OSBPL10: variants seen among roughly 807,000 people sequenced by gnomAD.
OSBPL10 encodes oxysterol binding protein like 10, also known as oxysterol-binding protein-related protein 10.
Under a neutral mutation model 81.7 loss-of-function variants are expected in OSBPL10, and 49 were observed. The observed-to-expected ratio is 0.60, with a 90% CI of 0.48 to 0.76. The LOEUF is 0.76. Among genes scored for constraint, OSBPL10 ranks in the 30% least tolerant of loss-of-function variants. The pLI is 0.00. For synonymous variants in OSBPL10, 419 were observed against 383.6 expected, an observed-to-expected ratio of 1.09 and a Z score of -1.08; for missense variants, 923 against 987.8, an observed-to-expected ratio of 0.93 and a Z score of 0.88.
At chr3:31,732,276 C>T (rs1053097168) in intron 6 of OSBPL10, among the ~76,000 whole-genome samples, 2 of 151,356 alleles carry the variant, frequency 1.3e-5, no homozygotes, top group Non-Finnish European at 2.9e-5. Context: ...TGTAGGCAGG[C>T]TAATCTGACT....
intron 3 of OSBPL10, among the ~76,000 whole-genome samples, chr3:31,838,665 A>G (rs1700421522): frequency 6.6e-6 from 1 of 152,046 alleles, no homozygotes; most frequent in Non-Finnish European, 1.5e-5. Flanking sequence ...ACTGAGGTCC[A>G]AAAAAGTCAC....
At chr3:31,809,996 C>T (rs1467559834) in intron 4 of OSBPL10, among the ~76,000 whole-genome samples, 1 of 151,146 alleles carries the variant, frequency 6.6e-6, no homozygotes, top group Non-Finnish European at 1.5e-5. Context: ...CTCAGTCTCC[C>T]GAGTAGCTGG....
chr3:31,987,424 A>G (rs534101231), intron 2 of OSBPL10, among the ~76,000 whole-genome samples: 1 of 152,310 alleles, frequency 6.6e-6, no homozygotes, highest in East Asian at 1.9e-4. Flanking sequence ...AACCTTTTAC[A>G]TTAGTTTAAT....
At chr3:31,847,986 A>G (rs1305697950) in intron 3 of OSBPL10, among the ~76,000 whole-genome samples, 6 of 152,088 alleles carry the variant, frequency 3.9e-5, no homozygotes, top group Non-Finnish European at 8.8e-5. Flanking sequence ...GAAGCACGCC[A>G]GCCCCTCCTG....
Position 31,820,730 on chromosome 3 carries a change from T to G in OSBPL10, c.729+9310A>C, listed in dbSNP as rs139565159. On this transcript the variant is annotated intron_variant, in intron 4 of 11. Coordinates refer to ENST00000396556, the MANE Select transcript of OSBPL10 (RefSeq NM_017784.5). Reference sequence around the variant, plus strand: ...GTGAGAAGCCGCTGTAAGTGTACAATGCAGTTGGCCCAAGTTCCCCCTTGC... The same window carrying G: ...GTGAGAAGCCGCTGTAAGTGTACAAGGCAGTTGGCCCAAGTTCCCCCTTGC... 4.0e-3 allele frequency among the ~76,000 whole-genome samples: 610 copies of G among 152,278 alleles called. 1 individual carries two copies. Among genetic ancestry groups the G allele is most frequent in the African/African-American group, 0.014 (587 of 41,568 alleles).
At chr3:31,840,477 C>A (rs555066787) in intron 3 of OSBPL10, among the ~76,000 whole-genome samples, 3 of 152,188 alleles carry the variant, frequency 2.0e-5, no homozygotes, top group Non-Finnish European at 4.4e-5. Flanking sequence ...CATGCCCAAG[C>A]GGCGTGCAGA....
intron 2 of OSBPL10, among the ~76,000 whole-genome samples, chr3:32,019,614 A>C (rs1699344063): frequency 6.6e-6 from 1 of 152,236 alleles, no homozygotes; most frequent in African/African-American, 2.4e-5. Context: ...CATATGTTCA[A>C]CATCCACAGA....
At chr3:32,021,979 G>GAA (rs35470488) in intron 2 of OSBPL10, among the ~76,000 whole-genome samples, 143 of 145,164 alleles carry the variant, frequency 9.9e-4, no homozygotes, top group East Asian at 7.0e-3. Flanking sequence ...AATCTGTCTC[G>GAA]AAAAAAAAAA....
At chr3:31,879,892 G>GA in intron 1 of OSBPL10, 62 bp from the exon 2 acceptor site, 2 of 1,498,164 alleles carry the variant, frequency 1.3e-6, no homozygotes, top group East Asian at 2.4e-5. Flanking sequence ...CAGCAAAGCA[G>GA]AAAAAAGCAA....
At chr3:31,870,452 A>G (rs112706705) in intron 3 of OSBPL10, among the ~76,000 whole-genome samples, 1,974 of 152,096 alleles carry the variant, frequency 0.013, 43 homozygotes, top group African/African-American at 0.044. Flanking sequence ...GCCGCCCCCT[A>G]CTCCATAGCA....
chr3:31,756,932 G>C (rs1337874586), intron 4 of OSBPL10, among the ~76,000 whole-genome samples: 1 of 152,212 alleles, frequency 6.6e-6, no homozygotes, highest in Non-Finnish European at 1.5e-5. Flanking sequence ...TCCTGCGTTA[G>C]CTAACAGGCT....
At chr3:31,898,151 T>C (rs559989764) in intron 1 of OSBPL10, among the ~76,000 whole-genome samples, 23 of 152,144 alleles carry the variant, frequency 1.5e-4, no homozygotes, top group African/African-American at 5.3e-4. Flanking sequence ...TATAGATACA[T>C]TGGTCAACAG....
chr3:31,876,404 T>C (rs374628328), intron 3 of OSBPL10, 29 bp downstream of exon 3: 7 of 1,563,672 alleles, frequency 4.5e-6, no homozygotes, highest in Non-Finnish European at 6.2e-6. Context: ...GTTATTCGAA[T>C]GCCTCCTTCC....
At chr3:31,893,701 G>C (rs889423713) in intron 1 of OSBPL10, among the ~76,000 whole-genome samples, 2 of 152,094 alleles carry the variant, frequency 1.3e-5, no homozygotes, top group African/African-American at 4.8e-5. Flanking sequence ...AGCAATAAAA[G>C]TACAACATGG....
chr3:31,909,325 A>G (rs368461709), intron 1 of OSBPL10, among the ~76,000 whole-genome samples: 3 of 152,276 alleles, frequency 2.0e-5, no homozygotes, highest in African/African-American at 7.2e-5. Flanking sequence ...TTAGCATTCA[A>G]CCAGAATACC....
intron 4 of OSBPL10, among the ~76,000 whole-genome samples, chr3:31,749,240 C>T (rs1697634734): frequency 6.6e-6 from 1 of 152,206 alleles, no homozygotes; most frequent in Non-Finnish European, 1.5e-5. Context: ...GGACACAAAG[C>T]TCGTTTCTTT....
intron 1 of OSBPL10, 91 bp from the exon 2 acceptor site, chr3:31,879,921 A>C: frequency 7.6e-7 from 1 of 1,316,022 alleles, no homozygotes; most frequent in Non-Finnish European, 1.0e-6. Flanking sequence ...AGAAGTCAAC[A>C]TCAAGACTCC....
intron 2 of OSBPL10, 89 bp from the exon 3 acceptor site, chr3:31,876,601 G>A: frequency 3.8e-6 from 4 of 1,055,428 alleles, no homozygotes; most frequent in African/African-American, 1.6e-5. Context: ...AAGGGGGTGG[G>A]GAGCCTGGGG....
At chr3:32,056,872 T>TA (rs1471128953) in intron 1 of OSBPL10, among the ~76,000 whole-genome samples, 2 of 152,132 alleles carry the variant, frequency 1.3e-5, no homozygotes. Context: ...GTCATAAAGA[T>TA]ACACAAGACA....
Sources: allele counts gnomAD v4.1 joint callset (sites outside exome capture counted in the v4.1 genomes callset), GRCh38; gene constraint gnomAD v4.1.1; transcripts MANE v1.5; gene names NCBI Gene and HGNC (gene_info 2026-07-23, HGNC 2026-07-21).